ANGPT1: variants seen among roughly 807,000 people sequenced by gnomAD.
ANGPT1 encodes the protein angiopoietin 1, also known as angiopoietin-1.
In ANGPT1, 17 loss-of-function variants were observed where a neutral mutation model predicts 62.2. That is an observed-to-expected ratio of 0.27 (90% CI 0.19 to 0.41). ANGPT1 has a LOEUF of 0.41. ANGPT1 is among the 10% of genes least tolerant of loss of function. The pLI, the probability that ANGPT1 is intolerant of heterozygous loss-of-function variation, is 1.00. For missense variants in ANGPT1, 478 were observed against 594.9 expected (o/e 0.80, Z 2.04); for synonymous variants, 199 against 198.9 (o/e 1.00, Z 0.00).
intron 1 of ANGPT1, among the ~76,000 whole-genome samples, chr8:107,430,794 A>G (rs919679662): frequency 2.0e-5 from 3 of 152,136 alleles, no homozygotes; most frequent in Admixed American, 1.3e-4. Flanking sequence ...AAAGGAACCA[A>G]CTTTGCCTAC....
At chr8:107,352,235 C>A (rs894754467) in intron 1 of ANGPT1, among the ~76,000 whole-genome samples, 2 of 152,060 alleles carry the variant, frequency 1.3e-5, no homozygotes, top group African/African-American at 4.8e-5. Context: ...AAAGATTGAC[C>A]ATTTTTTAAT....
Position 107,321,436 on chromosome 8 carries a change from T to C in ANGPT1, c.808+460A>G, listed in dbSNP as rs533996629. ...GTTTCAAATAGTCTGTCTCCGTTTCTCTGCAACCCACAATTTCCTACCCCA... is the reference window on the plus strand; with the variant it reads ...GTTTCAAATAGTCTGTCTCCGTTTCCCTGCAACCCACAATTTCCTACCCCA... On this transcript the variant is annotated intron_variant, in intron 4 of 8. Transcript: ENST00000517746. Among the ~76,000 whole-genome samples, 19 of 152,304 alleles carry C rather than the reference T, an allele frequency of 1.2e-4. No homozygotes were observed. The South Asian group carries it at 3.3e-3, about 27-fold the overall frequency.
intron 1 of ANGPT1, among the ~76,000 whole-genome samples, chr8:107,461,000 TA>T (rs1394521374): frequency 3.9e-5 from 6 of 152,134 alleles, no homozygotes; most frequent in Non-Finnish European, 8.8e-5. Flanking sequence ...TTGAACCTCA[TA>T]GCCACATTGC....
intron 1 of ANGPT1, among the ~76,000 whole-genome samples, chr8:107,360,416 C>T (rs1049248816): frequency 1.3e-5 from 2 of 152,046 alleles, no homozygotes; most frequent in Non-Finnish European, 2.9e-5. Context: ...ATATTGCAGT[C>T]GATATTCAGA....
intron 8 of ANGPT1, among the ~76,000 whole-genome samples, chr8:107,256,285 TTC>T (rs559335511): frequency 5.3e-4 from 80 of 152,354 alleles, no homozygotes; most frequent in African/African-American, 1.8e-3. Context: ...TAGGCAAGGA[TTC>T]TCTGTTTTCT....
At chr8:107,447,905 G>A (rs1283722) in intron 1 of ANGPT1, among the ~76,000 whole-genome samples, 10,732 of 152,266 alleles carry the variant, frequency 0.07, 435 homozygotes, top group South Asian at 0.13. Flanking sequence ...AAGGGATTTT[G>A]AAGGTTAACA....
chr8:107,469,283 T>TA (rs1812285026), intron 1 of ANGPT1, among the ~76,000 whole-genome samples: 1 of 152,000 alleles, frequency 6.6e-6, no homozygotes, highest in African/African-American at 2.4e-5. Flanking sequence ...TTGTCCTGTG[T>TA]ATCTCTTCTC....
rs1198060673 is a variant in ANGPT1 at position 107,352,469 on chromosome 8, C to T, written c.298-5372G>A. On this transcript the variant is annotated intron_variant, in intron 1 of 8. Transcript: ENST00000517746. ...GGGGAGAACTGATGCTATCATTCTC[C>T]ATCATGAGAGAGAATTTTGGGAGAG... 2.6e-5 allele frequency among the ~76,000 whole-genome samples: 4 copies of T among 152,232 alleles called. No individual in the cohort carries two copies. In the East Asian group the frequency reaches 7.7e-4, roughly 29 times the overall value.
At position 107,497,591 on chromosome 8, in the gene ANGPT1, G is replaced by T. The variant is rs1333235035; in HGVS notation, c.-33C>A. On this transcript the variant is annotated 5_prime_UTR_variant, in exon 1 of 9. Coordinates refer to ENST00000517746, the MANE Select transcript of ANGPT1 (RefSeq NM_001146.5). The stretch of plus-strand genomic sequence containing the variant: ...CCAGCACACTCCTTCCGTGCCTCTC[G>T]CAAAACTTGCTCCTTTCTTCTGACC... 8 of 1,590,734 alleles carry T rather than the reference G, an allele frequency of 5.0e-6. No individual in the cohort carries two copies. Among genetic ancestry groups the T allele is most frequent in the Non-Finnish European group, 6.9e-6 (8 of 1,166,012 alleles).
intron 5 of ANGPT1, 64 bp from the exon 6 acceptor site, chr8:107,294,101 T>A: frequency 7.4e-7 from 1 of 1,346,896 alleles, no homozygotes; most frequent in South Asian, 1.2e-5. Context: ...ATATCCTACA[T>A]GTTTCAAAAT....
intron 1 of ANGPT1, among the ~76,000 whole-genome samples, chr8:107,451,925 C>T (rs1163597096): frequency 6.6e-6 from 1 of 151,688 alleles, no homozygotes; most frequent in Admixed American, 6.6e-5. Context: ...GTGTTTTTCA[C>T]CATGTTGATC....
intron 1 of ANGPT1, among the ~76,000 whole-genome samples, chr8:107,458,605 T>C (rs1811985063): frequency 6.6e-6 from 1 of 152,202 alleles, no homozygotes; most frequent in African/African-American, 2.4e-5. Context: ...TGTGAATATA[T>C]ATATTTTTAG....
At chr8:107,456,523 G>C (rs1448625288) in intron 1 of ANGPT1, among the ~76,000 whole-genome samples, 2 of 151,992 alleles carry the variant, frequency 1.3e-5, no homozygotes, top group Non-Finnish European at 2.9e-5. Flanking sequence ...ACTCAAACTA[G>C]CTCAATTTCT....
chr8:107,348,702 G>A (rs1264699999), intron 1 of ANGPT1, among the ~76,000 whole-genome samples: 1 of 152,210 alleles, frequency 6.6e-6, no homozygotes, highest in Non-Finnish European at 1.5e-5. Flanking sequence ...GAAAAAGAGG[G>A]TAGGACAGAG....
chr8:107,496,909 T>G (rs1290424978), intron 1 of ANGPT1, among the ~76,000 whole-genome samples: 1 of 152,254 alleles, frequency 6.6e-6, no homozygotes, highest in Admixed American at 6.5e-5. Flanking sequence ...TTGTCATTAT[T>G]ATTTATTTTT....
chr8:107,337,527 C>G, intron 2 of ANGPT1, among the ~76,000 whole-genome samples: 1 of 152,192 alleles, frequency 6.6e-6, no homozygotes, highest in Non-Finnish European at 1.5e-5. Flanking sequence ...GTTCCTGACT[C>G]TTTCTTGTCC....
chr8:107,268,402 A>AG lies in ANGPT1; in HGVS notation c.1206-4052dup, dbSNP rs1813663512. ...TCAAATAATTAAAAAATACACATGT[A>AG]GGGTTGTGTGTGTGTGTGTGTGTGT... On this transcript the variant is annotated intron_variant, in intron 7 of 8. Coordinates refer to ENST00000517746, the MANE Select transcript of ANGPT1 (RefSeq NM_001146.5). Among the ~76,000 whole-genome samples, 7 of 132,722 alleles carry AG rather than the reference A, an allele frequency of 5.3e-5. No individual in the cohort carries two copies. The South Asian group carries it at 9.6e-4, about 18-fold the overall frequency. The allele number at this position is 132,722 out of a possible 152,430, so 87.1% of individuals were successfully genotyped here.
intron 1 of ANGPT1, among the ~76,000 whole-genome samples, chr8:107,443,680 G>A (rs1256219042): frequency 1.3e-5 from 2 of 151,560 alleles, no homozygotes; most frequent in Non-Finnish European, 2.9e-5. Context: ...TTAGCCAGGT[G>A]TGGTGGCGCA....
chr8:107,339,719 G>T (rs776075312), intron 2 of ANGPT1, among the ~76,000 whole-genome samples: 1 of 152,152 alleles, frequency 6.6e-6, no homozygotes, highest in Admixed American at 6.5e-5. Context: ...CCCCCTGGGG[G>T]CCTAGGACAC....
Sources: gnomAD v4.1 joint callset for allele counts (sites outside exome capture counted in the v4.1 genomes callset) on GRCh38, gnomAD v4.1.1 for gene constraint, MANE v1.5 for transcripts, NCBI Gene and HGNC (gene_info 2026-07-23, HGNC 2026-07-21) for gene names.